IGF2BP2: variants seen among roughly 807,000 people sequenced by gnomAD.
IGF2BP2 encodes the protein insulin-like growth factor 2 mRNA-binding protein 2.
A neutral mutation model predicts 75.8 loss-of-function variants in IGF2BP2; 17 were observed. The observed-to-expected ratio is 0.22, with a 90% CI of 0.15 to 0.34. The LOEUF (loss-of-function observed/expected upper bound fraction) is 0.34. Ranked by LOEUF, IGF2BP2 falls within the 10% of genes least tolerant of loss-of-function variation. IGF2BP2 has a pLI of 1.00. For missense variants in IGF2BP2, 516 were observed against 772.4 expected, an observed-to-expected ratio of 0.67 and a Z score of 3.93; for synonymous variants, 288 against 295.6, an observed-to-expected ratio of 0.97 and a Z score of 0.26.
At chr3:185,790,895 G>A (rs1189831198) in intron 2 of IGF2BP2, among the ~76,000 whole-genome samples, 3 of 152,208 alleles carry the variant, frequency 2.0e-5, no homozygotes, top group African/African-American at 7.2e-5. Flanking sequence ...CTACGTAATG[G>A]TAAACTGCCC....
chr3:185,805,356 G>C (rs940773136), intron 2 of IGF2BP2, among the ~76,000 whole-genome samples: 4 of 152,136 alleles, frequency 2.6e-5, no homozygotes, highest in African/African-American at 7.2e-5. Flanking sequence ...TTTCTCAGGA[G>C]GGCTGGGAAA....
At chr3:185,674,002 C>T (rs868084457) in intron 9 of IGF2BP2, among the ~76,000 whole-genome samples, 1 of 152,208 alleles carries the variant, frequency 6.6e-6, no homozygotes, top group African/African-American at 2.4e-5. Context: ...GGAGAAGACA[C>T]CACTGCAGTC....
intron 2 of IGF2BP2, among the ~76,000 whole-genome samples, chr3:185,764,192 AT>A (rs1004919383): frequency 9.7e-6 from 1 of 102,702 alleles, no homozygotes; most frequent in African/African-American, 2.9e-5. Flanking sequence ...CATAAAGTAA[AT>A]AAAAATTATC....
At chr3:185,666,391 T>C (rs527841271) in intron 10 of IGF2BP2, among the ~76,000 whole-genome samples, 11 of 152,298 alleles carry the variant, frequency 7.2e-5, no homozygotes, top group Admixed American at 5.9e-4. Flanking sequence ...CCCAGCACTT[T>C]GAGAGGCCGA....
intron 2 of IGF2BP2, among the ~76,000 whole-genome samples, chr3:185,724,005 T>C (rs757110733): frequency 1.3e-5 from 2 of 152,158 alleles, no homozygotes; most frequent in African/African-American, 4.8e-5. Flanking sequence ...CGCCAGACTA[T>C]GCAGAGACAA....
intron 2 of IGF2BP2, among the ~76,000 whole-genome samples, chr3:185,727,486 G>A (rs1179324950): frequency 1.3e-5 from 2 of 152,108 alleles, no homozygotes; most frequent in Non-Finnish European, 2.9e-5. Flanking sequence ...TTGAACAGGT[G>A]AACAAAAAGG....
rs1718935117 is a variant in IGF2BP2, at chr3:185,674,134, G to C, written c.1071+1162C>G. On this transcript the variant is annotated intron_variant, in intron 9 of 15. Coordinates refer to ENST00000382199, the MANE Select transcript of IGF2BP2 (RefSeq NM_006548.6). ...GAGTATAGAGGGTACAACAGAAAGT[G>C]CTGCAGTGAGGGACCTGGGTTTAAT... is the stretch of plus-strand genomic sequence containing the variant. Among the ~76,000 whole-genome samples the C allele has an allele frequency of 2.0e-5, 3 of 152,338 alleles. No individual in the cohort carries two copies. In the South Asian group the frequency reaches 6.2e-4, roughly 32 times the overall value.
intron 12 of IGF2BP2, among the ~76,000 whole-genome samples, chr3:185,653,854 C>T (rs571479987): frequency 2.5e-4 from 38 of 152,314 alleles, no homozygotes; most frequent in Admixed American, 1.8e-3. Context: ...GAGTCTAGGT[C>T]TCGAGAAAGA....
At chr3:185,679,137 C>T (rs924482769) in intron 7 of IGF2BP2, among the ~76,000 whole-genome samples, 1 of 152,118 alleles carries the variant, frequency 6.6e-6, no homozygotes, top group African/African-American at 2.4e-5. Flanking sequence ...GAAGGACTTA[C>T]TTTTGTCATT....
intron 5 of IGF2BP2, among the ~76,000 whole-genome samples, chr3:185,689,917 G>A (rs1009203231): frequency 6.8e-6 from 1 of 146,896 alleles, no homozygotes; most frequent in African/African-American, 2.5e-5. Flanking sequence ...GCAGTGAGCC[G>A]AGATCCTGCC....
In IGF2BP2 at chr3:185,795,247, T is replaced by C. The variant is rs150091308; in HGVS notation, c.239+27906A>G. Among the ~76,000 whole-genome samples, 241 of 152,312 alleles carry C rather than the reference T, an allele frequency of 1.6e-3. 1 individual carries two copies. Among genetic ancestry groups the C allele is most frequent in the African/African-American group, 5.6e-3 (234 of 41,572 alleles). ...CATATAGTGCTTATCCTCTTGTGAC[T>C]TATTTCATTAGCAAAATGTCTTCAT... is the stretch of plus-strand genomic sequence containing the variant. On this transcript the variant is annotated intron_variant, in intron 2 of 15. Transcript: ENST00000382199.
intron 2 of IGF2BP2, among the ~76,000 whole-genome samples, chr3:185,729,151 A>G (rs1294273376): frequency 6.6e-6 from 1 of 152,134 alleles, no homozygotes; most frequent in Non-Finnish European, 1.5e-5. Flanking sequence ...CAGATCTTTT[A>G]AAATATTTGG....
intron 2 of IGF2BP2, chr3:185,713,227 T>C (rs572237862): frequency 2.6e-5 from 9 of 351,800 alleles, no homozygotes; most frequent in African/African-American, 8.6e-5. Flanking sequence ...TTTCACTGCA[T>C]AGAAACAGAA....
chr3:185,784,963 T>G (rs1278543517), intron 2 of IGF2BP2, among the ~76,000 whole-genome samples: 1 of 152,188 alleles, frequency 6.6e-6, no homozygotes, highest in Non-Finnish European at 1.5e-5. Context: ...AGACTTAATT[T>G]TTTCAGGGAA....
Position 185,819,887 on chromosome 3 carries a change from A to G in IGF2BP2, c.239+3266T>C, listed in dbSNP as rs75438766. On this transcript the variant is annotated intron_variant, in intron 2 of 15. Coordinates refer to ENST00000382199, the MANE Select transcript of IGF2BP2 (RefSeq NM_006548.6). ...TTTGGTATTTAATTCAACCATACAC[A>G]ATGTAGTACATACAAGCAAAATACA... is the stretch of plus-strand genomic sequence containing the variant. 2.9e-3 allele frequency among the ~76,000 whole-genome samples: 447 copies of G among 152,120 alleles called. 20 individuals are homozygous for G. The East Asian group carries it at 0.074, about 25-fold the overall frequency.
chr3:185,777,055 A>G (rs1178563334), intron 2 of IGF2BP2, among the ~76,000 whole-genome samples: 1 of 152,228 alleles, frequency 6.6e-6, no homozygotes. Flanking sequence ...CATTAGAGCT[A>G]TGAGTTTGGC....
intron 2 of IGF2BP2, among the ~76,000 whole-genome samples, chr3:185,789,455 T>C (rs931866446): frequency 1.3e-5 from 2 of 152,092 alleles, no homozygotes; most frequent in East Asian, 3.9e-4. Flanking sequence ...AATAAAGATG[T>C]CTATAGATGG....
chr3:185,655,109 T>C (rs887941431), intron 12 of IGF2BP2, among the ~76,000 whole-genome samples: 2 of 152,192 alleles, frequency 1.3e-5, no homozygotes, highest in East Asian at 3.8e-4. Flanking sequence ...ACAAAGGGAA[T>C]CTAGCAAAAA....
chr3:185,670,771 T>A (rs913128322), intron 10 of IGF2BP2, among the ~76,000 whole-genome samples: 3 of 152,242 alleles, frequency 2.0e-5, no homozygotes, highest in South Asian at 4.1e-4. Context: ...GGTTTCACCA[T>A]GCTGGCTAGG....
Sources: allele counts gnomAD v4.1 joint callset (sites outside exome capture counted in the v4.1 genomes callset), GRCh38; gene constraint gnomAD v4.1.1; transcripts MANE v1.5; gene names NCBI Gene and HGNC (gene_info 2026-07-23, HGNC 2026-07-21).